The following LINGO2 variants were observed in gnomAD, a reference collection of about 807,000 sequenced individuals.
LINGO2 encodes leucine rich repeat and Ig domain containing 2.
LINGO2 carries 14 observed loss-of-function variants against 30.6 expected under a neutral mutation model. The ratio of observed to expected loss-of-function variants is 0.46; its 90% CI spans 0.30 to 0.72. LINGO2 has a LOEUF of 0.72. Ranked by LOEUF, LINGO2 falls within the 30% of genes least tolerant of loss-of-function variation. The pLI is 0.07. For synonymous variants in LINGO2, 317 were observed against 288.5 expected (o/e 1.10, Z -1.00); for missense variants, 729 against 751.7 (o/e 0.97, Z 0.35).
rs1824429825 is a variant in LINGO2 at position 28,307,755 on chromosome 9, C to G, written c.-245-12389G>C. 2.0e-5 allele frequency among the ~76,000 whole-genome samples: 3 copies of G among 152,214 alleles called. No individual in the cohort carries two copies. In the South Asian group the frequency reaches 6.2e-4, roughly 32 times the overall value. ...ATTCTCAGGATACAAAATCAATGTACAAAAATGACAAGCATTCTTATACAC... is the reference window on the plus strand; with the variant it reads ...ATTCTCAGGATACAAAATCAATGTAGAAAAATGACAAGCATTCTTATACAC... On this transcript the variant is annotated intron_variant, in intron 3 of 5. Coordinates refer to ENST00000379992, the Ensembl canonical transcript of LINGO2.
the LINGO2 span, among the ~76,000 whole-genome samples, chr9:28,920,146 G>T: frequency 1.1e-3 from 169 of 152,068 alleles, no homozygotes; most frequent in Middle Eastern, 0.014. Context: ...TTACTCAAAG[G>T]CATAGACGTT....
At chr9:28,045,472 A>AT (rs542722953) in intron 4 of LINGO2, among the ~76,000 whole-genome samples, 99 of 152,322 alleles carry the variant, frequency 6.5e-4, no homozygotes, top group African/African-American at 2.2e-3. Context: ...TTTGACTCTA[A>AT]TGCACAATGA....
At chr9:28,677,064 A>T in the LINGO2 span, among the ~76,000 whole-genome samples, 2 of 152,130 alleles carry the variant, frequency 1.3e-5, no homozygotes, top group Non-Finnish European at 2.9e-5. Flanking sequence ...CACTGTTCTA[A>T]GTACATTACA....
chr9:28,915,792 T>C, the LINGO2 span, among the ~76,000 whole-genome samples: 1 of 152,208 alleles, frequency 6.6e-6, no homozygotes, highest in Non-Finnish European at 1.5e-5. Flanking sequence ...GTATTATCCC[T>C]GTCCTGAGAG....
chr9:28,892,069 T>C, the LINGO2 span, among the ~76,000 whole-genome samples: 1 of 151,946 alleles, frequency 6.6e-6, no homozygotes, highest in Non-Finnish European at 1.5e-5. Context: ...TTATAAATTT[T>C]TTTACCTCAT....
chr9:27,990,000 A>C (rs1008972744), intron 5 of LINGO2, among the ~76,000 whole-genome samples: 5 of 152,104 alleles, frequency 3.3e-5, no homozygotes, highest in Non-Finnish European at 7.4e-5. Context: ...ACCTCAATCA[A>C]GCCACAAGTC....
At chr9:28,975,260 C>T in the LINGO2 span, among the ~76,000 whole-genome samples, 1 of 152,022 alleles carries the variant, frequency 6.6e-6, no homozygotes, top group Non-Finnish European at 1.5e-5. Context: ...AATTTATAGC[C>T]TCTAAGTTAA....
chr9:28,691,593 CT>C, the LINGO2 span, among the ~76,000 whole-genome samples: 1 of 151,842 alleles, frequency 6.6e-6, no homozygotes, highest in Admixed American at 6.6e-5. Flanking sequence ...AAAATTGCCT[CT>C]TAAAAAAAGC....
intron 4 of LINGO2, among the ~76,000 whole-genome samples, chr9:28,219,291 G>C (rs1820877413): frequency 6.6e-6 from 1 of 152,128 alleles, no homozygotes; most frequent in South Asian, 2.1e-4. Context: ...AAAAACTAAC[G>C]AGTGGCTTTC....
intron 4 of LINGO2, among the ~76,000 whole-genome samples, chr9:28,018,666 G>A (rs191736342): frequency 6.6e-6 from 1 of 151,994 alleles, no homozygotes; most frequent in African/African-American, 2.4e-5. Flanking sequence ...CAGTCAGAAT[G>A]GCTATTACCA....
intron 2 of LINGO2, among the ~76,000 whole-genome samples, chr9:28,381,901 T>C (rs1821373759): frequency 6.6e-6 from 1 of 152,116 alleles, no homozygotes; most frequent in Admixed American, 6.6e-5. Flanking sequence ...TTTCTTCAGT[T>C]TTTTTCTTTT....
the LINGO2 span, among the ~76,000 whole-genome samples, chr9:29,184,209 A>G: frequency 6.6e-6 from 1 of 151,992 alleles, no homozygotes; most frequent in African/African-American, 2.4e-5. Flanking sequence ...CGTCCCTTTT[A>G]TGTTGAAGAC....
intron 4 of LINGO2, among the ~76,000 whole-genome samples, chr9:28,159,773 TTAAC>T (rs1828235307): frequency 6.6e-6 from 1 of 152,240 alleles, no homozygotes; most frequent in Admixed American, 6.5e-5. Flanking sequence ...ACCAGATTGC[TTAAC>T]TAACTATAAA....
At chr9:27,967,441 T>A (rs1387989514) in intron 5 of LINGO2, among the ~76,000 whole-genome samples, 1 of 152,146 alleles carries the variant, frequency 6.6e-6, no homozygotes, top group Non-Finnish European at 1.5e-5. Flanking sequence ...CACACCCAAC[T>A]AAATGCAAAG....
chr9:28,588,215 A>G (rs980409311), intron 1 of LINGO2, among the ~76,000 whole-genome samples: 1 of 151,832 alleles, frequency 6.6e-6, no homozygotes, highest in Non-Finnish European at 1.5e-5. Context: ...CTCCTACACA[A>G]CCTCCCACCT....
At chr9:28,808,763 C>A in the LINGO2 span, among the ~76,000 whole-genome samples, 2 of 152,238 alleles carry the variant, frequency 1.3e-5, no homozygotes, top group African/African-American at 4.8e-5. Context: ...TGGTTCTGTT[C>A]ATTTTAATAT....
the LINGO2 span, among the ~76,000 whole-genome samples, chr9:28,735,544 T>A: frequency 2.6e-5 from 4 of 152,112 alleles, no homozygotes; most frequent in African/African-American, 9.7e-5. Context: ...GTTATTATAA[T>A]TATCTTAAGT....
At chr9:29,061,933 G>A in the LINGO2 span, among the ~76,000 whole-genome samples, 5 of 151,892 alleles carry the variant, frequency 3.3e-5, no homozygotes, top group African/African-American at 1.2e-4. Context: ...TATCTGATAG[G>A]AGATCATTAT....
intron 1 of LINGO2, among the ~76,000 whole-genome samples, chr9:28,516,505 CTGGGTGTGA>C (rs1427021254): frequency 6.6e-6 from 1 of 152,148 alleles, no homozygotes; most frequent in East Asian, 1.9e-4. Flanking sequence ...ATCTCCCTGC[CTGGGTGTGA>C]TGACTCCACT....
Sources: allele counts gnomAD v4.1 joint callset (sites outside exome capture counted in the v4.1 genomes callset), GRCh38; gene constraint gnomAD v4.1.1; transcripts MANE v1.5; gene names NCBI Gene and HGNC (gene_info 2026-07-23, HGNC 2026-07-21).